Variants in RAB6A observed in about 807,000 individuals in gnomAD.
The protein encoded by RAB6A is RAB6A, member RAS oncogene family, also known as ras-related protein Rab-6A.
RAB6A carries 8 observed loss-of-function variants against 32.3 expected under a neutral mutation model. That is an observed-to-expected ratio of 0.25 (90% CI 0.15 to 0.45). The LOEUF (loss-of-function observed/expected upper bound fraction) is 0.45. Ranked by LOEUF, RAB6A falls within the 20% of genes least tolerant of loss-of-function variation. RAB6A has a pLI of 1.00. For missense variants in RAB6A, 104 were observed against 249.4 expected, an observed-to-expected ratio of 0.42 and a Z score of 3.93; for synonymous variants, 73 against 82.1, an observed-to-expected ratio of 0.89 and a Z score of 0.60.
At chr11:73,692,411 G>A (rs1945582143) in intron 6 of RAB6A, among the ~76,000 whole-genome samples, 2 of 148,096 alleles carry the variant, frequency 1.4e-5, no homozygotes, top group Non-Finnish European at 1.5e-5. Context: ...GCTGAGGCAG[G>A]AGAATGGCGT....
Position 73,716,229 on chromosome 11 carries a change from C to T in RAB6A, c.401+22G>A, listed in dbSNP as rs368677289. 2.7e-5 allele frequency: 41 copies of T among 1,522,826 alleles called. 2 individuals carry two copies. The African/African-American group carries it at 2.7e-4, about 10-fold the overall frequency. 94.3% of individuals were successfully genotyped at this position (1,522,826 alleles called of 1,614,324 possible). ...TGCATCACAGAAATCAAACATTACACACATATAAAATAACTCCATACCTCT... is the reference window on the plus strand; with the variant it reads ...TGCATCACAGAAATCAAACATTACATACATATAAAATAACTCCATACCTCT... On this transcript the variant is annotated intron_variant, in intron 5 of 7. Transcript: ENST00000336083.
intron 3 of RAB6A, among the ~76,000 whole-genome samples, chr11:73,720,293 G>C (rs1270413818): frequency 1.4e-4 from 21 of 149,374 alleles, no homozygotes; most frequent in Admixed American, 8.2e-4. Context: ...CGATTCTCCT[G>C]CCTCAGCCTC....
intron 1 of RAB6A, among the ~76,000 whole-genome samples, chr11:73,753,956 GTTAAA>G (rs1946707430): frequency 6.6e-6 from 1 of 152,184 alleles, no homozygotes; most frequent in South Asian, 2.1e-4. Context: ...ATAAAGATTT[GTTAAA>G]TTAAAACACT....
rs3741142 is a variant in RAB6A, at chr11:73,677,829, G to A, written c.*69C>T. The A allele has an allele frequency of 1.0e-3, 1,686 of 1,608,246 alleles. 29 individuals are homozygous for A. In the East Asian group the frequency reaches 0.031, roughly 30 times the overall value. On this transcript the variant is annotated 3_prime_UTR_variant, in exon 8 of 8. Transcript: ENST00000336083. ...AAAGGTTCAAGCCAATATTCACACT[G>A]CAGTCAATGAAAGAGTAAGGGGGCC...
chr11:73,758,156 C>G (rs989991577), intron 1 of RAB6A, among the ~76,000 whole-genome samples: 2 of 152,094 alleles, frequency 1.3e-5, no homozygotes, highest in African/African-American at 2.4e-5. Flanking sequence ...CATAAGAAAA[C>G]TATAGACACT....
At chr11:73,705,307 G>A (rs1328528861) in intron 6 of RAB6A, among the ~76,000 whole-genome samples, 1 of 152,164 alleles carries the variant, frequency 6.6e-6, no homozygotes, top group Non-Finnish European at 1.5e-5. Context: ...CAGCACTCTG[G>A]GAGACAGAGG....
intron 2 of RAB6A, chr11:73,722,357 T>A (rs1946155587): frequency 1.7e-5 from 2 of 115,966 alleles, no homozygotes; most frequent in Non-Finnish European, 1.8e-5. Context: ...TTTTTTTTTT[T>A]TTTTTTTTTT....
At position 73,724,266 on chromosome 11, in the gene RAB6A, G is replaced by C. The variant is rs553663764; in HGVS notation, c.130-3367C>G. On this transcript the variant is annotated intron_variant, in intron 2 of 7. Coordinates refer to ENST00000336083, the MANE Select transcript of RAB6A (RefSeq NM_198896.2). The stretch of plus-strand genomic sequence containing the variant: ...TCTTCCATGACAAAAACATTCACTT[G>C]AGAATATATTAGTTCGAACATCAAA... 5.3e-5 allele frequency among the ~76,000 whole-genome samples: 8 copies of C among 152,236 alleles called. No individual in the cohort carries two copies. In the South Asian group the frequency reaches 1.7e-3, roughly 32 times the overall value.
At position 73,720,711 on chromosome 11, in the gene RAB6A, G is replaced by C. The variant is rs574510520; in HGVS notation, c.183+135C>G. 7.3e-6 allele frequency: 5 copies of C among 687,800 alleles called. No individual in the cohort carries two copies. In the Admixed American group the frequency reaches 9.0e-5, roughly 12 times the overall value. The allele number at this position is 687,800 out of a possible 1,614,324, so 42.6% of individuals were successfully genotyped here. A position where few individuals can be genotyped will look rare whatever the true frequency, so the allele number is the denominator to read the frequency against. On this transcript the variant is annotated intron_variant, in intron 3 of 7. Coordinates refer to ENST00000336083, the MANE Select transcript of RAB6A (RefSeq NM_198896.2). ...AAGTACTACTCACTCGGTAATAAGA[G>C]TTTTTCTCAACAACTGTAAACTATC...
chr11:73,757,230 G>A (rs1163741778), intron 1 of RAB6A, among the ~76,000 whole-genome samples: 7 of 127,466 alleles, frequency 5.5e-5, no homozygotes, highest in African/African-American at 2.1e-4. Flanking sequence ...TGCACCCTCC[G>A]CCTCTCAGGT....
intron 6 of RAB6A, among the ~76,000 whole-genome samples, chr11:73,706,608 T>C (rs1945849785): frequency 1.3e-5 from 2 of 152,184 alleles, no homozygotes; most frequent in Admixed American, 6.5e-5. Context: ...CATGTGAGTC[T>C]CTGGCTGACC....
At chr11:73,678,040 C>T (rs1945294075) in intron 7 of RAB6A, 78 bp from the exon 8 acceptor site, 2 of 1,401,212 alleles carry the variant, frequency 1.4e-6, no homozygotes, top group Non-Finnish European at 2.0e-6. Context: ...CTGGGATGGC[C>T]CTTATATTCC....
chr11:73,736,977 CAAAAAAAAA>C (rs535172648), intron 1 of RAB6A, among the ~76,000 whole-genome samples: 7 of 64,934 alleles, frequency 1.1e-4, no homozygotes, highest in Middle Eastern at 7.5e-3. Flanking sequence ...GACACTGTCT[CAAAAAAAAA>C]AAAAAAAAAA....
chr11:73,710,273 T>C (rs1945934251), intron 5 of RAB6A, among the ~76,000 whole-genome samples: 1 of 151,142 alleles, frequency 6.6e-6, no homozygotes, highest in Non-Finnish European at 1.5e-5. Flanking sequence ...GCCCCCATGC[T>C]TATATTTTTT....
chr11:73,702,860 AT>A (rs1035392123), intron 6 of RAB6A, among the ~76,000 whole-genome samples: 273 of 147,440 alleles, frequency 1.9e-3, no homozygotes, highest in Non-Finnish European at 2.5e-3. Context: ...ATATATTATT[AT>A]TTTTTTTTTT....
At chr11:73,734,967 G>T (rs891225780) in intron 1 of RAB6A, among the ~76,000 whole-genome samples, 1 of 152,282 alleles carries the variant, frequency 6.6e-6, no homozygotes, top group Non-Finnish European at 1.5e-5. Context: ...ATGCTCCAAT[G>T]AGCATTTCCT....
intron 1 of RAB6A, among the ~76,000 whole-genome samples, chr11:73,758,138 T>A (rs1370785376): frequency 1.9e-5 from 2 of 107,974 alleles, no homozygotes; most frequent in Admixed American, 1.7e-4. Context: ...GTCTACAGAC[T>A]TCTAACGCAT....
intron 1 of RAB6A, among the ~76,000 whole-genome samples, chr11:73,739,547 G>A (rs1946462806): frequency 6.6e-6 from 1 of 150,974 alleles, no homozygotes; most frequent in African/African-American, 2.4e-5. Context: ...ACCAATCATG[G>A]CTCACTGCAG....
intron 5 of RAB6A, among the ~76,000 whole-genome samples, chr11:73,708,555 T>C (rs1423914082): frequency 6.6e-6 from 1 of 152,226 alleles, no homozygotes; most frequent in East Asian, 1.9e-4. Flanking sequence ...TACTTTAATA[T>C]TACCTTTACA....
Sources: gnomAD v4.1 joint callset for allele counts (sites outside exome capture counted in the v4.1 genomes callset) on GRCh38, gnomAD v4.1.1 for gene constraint, MANE v1.5 for transcripts, NCBI Gene and HGNC (gene_info 2026-07-23, HGNC 2026-07-21) for gene names.